WDFY4: variants seen among roughly 807,000 people sequenced by gnomAD.
The protein encoded by WDFY4 is WD repeat- and FYVE domain-containing protein 4.
In WDFY4, 169 loss-of-function variants were observed where a neutral mutation model predicts 351.9. That is an observed-to-expected ratio of 0.48 (90% CI 0.42 to 0.55). The LOEUF is 0.55. Among genes scored for constraint, WDFY4 ranks in the 20% least tolerant of loss-of-function variants. The probability of loss-of-function intolerance (pLI) is 0.00; values close to 1 mark genes in which losing one functional copy is unlikely to be tolerated. For synonymous variants in WDFY4, 1,622 were observed against 1,574.6 expected (o/e 1.03, Z -0.71); for missense variants, 3,803 against 3,935.6 (o/e 0.97, Z 0.90).
At chr10:48,888,894 G>A (rs2070576669) in intron 43 of WDFY4, among the ~76,000 whole-genome samples, 1 of 152,124 alleles carries the variant, frequency 6.6e-6, no homozygotes, top group African/African-American at 2.4e-5. Context: ...TTCTCTCTTA[G>A]CATGTATCAC....
chr10:48,944,655 G>A (rs944383820), intron 49 of WDFY4, among the ~76,000 whole-genome samples: 9 of 152,170 alleles, frequency 5.9e-5, no homozygotes, highest in African/African-American at 1.4e-4. Context: ...GCAGCAAAAC[G>A]TTTCTCACTA....
chr10:48,812,787 G>A (rs923792293), intron 30 of WDFY4, among the ~76,000 whole-genome samples: 2 of 152,148 alleles, frequency 1.3e-5, no homozygotes, highest in Non-Finnish European at 2.9e-5. Flanking sequence ...CTGGCTGCCT[G>A]ATGTATCTTT....
In WDFY4 at chr10:48,779,707, G is replaced by T. The variant is rs576344982; in HGVS notation, c.3398-234G>T. Among the ~76,000 whole-genome samples the T allele has an allele frequency of 5.3e-5, 8 of 152,328 alleles. No individual in the cohort carries two copies. The South Asian group carries it at 1.7e-3, about 32-fold the overall frequency. Reference sequence around the variant, plus strand: ...CATGTATGAGCGCCTACCTCACAGGGCTGTGAACATGACATGAGTTGATAT... The same window carrying T: ...CATGTATGAGCGCCTACCTCACAGGTCTGTGAACATGACATGAGTTGATAT... On this transcript the variant is annotated intron_variant, in intron 18 of 61. Transcript: ENST00000325239.
chr10:48,795,990 G>C (rs968414321), intron 23 of WDFY4, among the ~76,000 whole-genome samples: 2 of 152,072 alleles, frequency 1.3e-5, no homozygotes, highest in African/African-American at 4.8e-5. Context: ...GGATGGTTAC[G>C]CATGTAAAGG....
chr10:48,961,082 C>T (rs1841839752), intron 53 of WDFY4, among the ~76,000 whole-genome samples: 1 of 152,188 alleles, frequency 6.6e-6, no homozygotes, highest in South Asian at 2.1e-4. Flanking sequence ...ATGTAAATTA[C>T]ACCTAAAAAG....
chr10:48,960,895 A>T (rs1841828097), intron 53 of WDFY4, among the ~76,000 whole-genome samples: 1 of 152,220 alleles, frequency 6.6e-6, no homozygotes, highest in African/African-American at 2.4e-5. Flanking sequence ...TAGGGACAGA[A>T]AACAAATTAG....
rs373835302 is a variant in WDFY4, at chr10:48,822,381, C to T, written c.5826C>T (p.Asp1942=). 3.0e-4 allele frequency: 467 copies of T among 1,541,620 alleles called. 1 individual carries two copies. The highest frequency in any genetic ancestry group is 1.4e-3 in the Middle Eastern group (8 of 5,878). Residue 1942 remains aspartate, a splice_region_variant and synonymous_variant, in exon 35 of 62, where the codon GAC becomes GAT. Transcript: ENST00000325239. The part of the protein sequence containing the change: ...TSGGDAAMFR[D]GKEPQPSAEA... ...TCCACCTGTCCCCTCACTCCACAGA[C>T]GGCAAAGAGCCTCAGCCAAGTGCAG...
At chr10:48,804,397 G>A (rs1348969446) in intron 25 of WDFY4, among the ~76,000 whole-genome samples, 1 of 152,120 alleles carries the variant, frequency 6.6e-6, no homozygotes, top group East Asian at 1.9e-4. Flanking sequence ...GTTGTTCAGT[G>A]CTGTCAGAGG....
intron 12 of WDFY4, among the ~76,000 whole-genome samples, chr10:48,747,962 G>A (rs148107229): frequency 4.6e-4 from 70 of 152,260 alleles, no homozygotes; most frequent in African/African-American, 1.6e-3. Flanking sequence ...GCCTCCATGG[G>A]GTCTTAGCTG....
chr10:48,892,665 A>G (rs1345365443), intron 44 of WDFY4, among the ~76,000 whole-genome samples: 1 of 152,242 alleles, frequency 6.6e-6, no homozygotes, highest in Non-Finnish European at 1.5e-5. Flanking sequence ...ATACATAAAT[A>G]AACTTGTTAA....
At position 48,867,429 on chromosome 10, in the gene WDFY4, C is replaced by T. The variant is rs79647043; in HGVS notation, c.6741+87C>T. ...AATAATTGGAAGGGCCTTTGGTTTA[C>T]GTTCTGGATTGCTCACCAGGCTTGC... On this transcript the variant is annotated intron_variant, in intron 40 of 61. Transcript: ENST00000325239. The T allele has an allele frequency of 1.8e-3, 1,483 of 828,352 alleles. 9 individuals are homozygous for T. The highest frequency in any genetic ancestry group is 0.017 in the African/African-American group (953 of 55,268). 51.3% of individuals were successfully genotyped at this position (828,352 alleles called of 1,614,324 possible). A position where few individuals can be genotyped will look rare whatever the true frequency, so the allele number is the denominator to read the frequency against.
chr10:48,782,522 G>A (rs2066261890), intron 19 of WDFY4, among the ~76,000 whole-genome samples: 2 of 152,214 alleles, frequency 1.3e-5, no homozygotes, highest in Non-Finnish European at 2.9e-5. Flanking sequence ...TCAACAGGGA[G>A]GTCAGGAGTG....
In WDFY4 at chr10:48,775,815, A is replaced by G; in HGVS notation, c.2863+9A>G. ...CAACCCTGGGTGCTCAGGTGAGGAC[A>G]GTGGCAAGAACGGGGCAGGTTAATG... On this transcript the variant is annotated intron_variant, in intron 15 of 61. Transcript: ENST00000325239. 1.3e-6 allele frequency: 2 copies of G among 1,549,584 alleles called. No individual in the cohort carries two copies. Among genetic ancestry groups the G allele is most frequent in the Non-Finnish European group, 1.7e-6 (2 of 1,145,078 alleles).
At chr10:48,818,790 A>AACTT (rs2067709014) in intron 32 of WDFY4, among the ~76,000 whole-genome samples, 1 of 152,280 alleles carries the variant, frequency 6.6e-6, no homozygotes, top group African/African-American at 2.4e-5. Context: ...CATATCAAGT[A>AACTT]ACTTACTAAA....
chr10:48,755,111 G>A (rs1018321298), intron 12 of WDFY4, among the ~76,000 whole-genome samples: 6 of 152,012 alleles, frequency 3.9e-5, no homozygotes, highest in South Asian at 2.1e-4. Context: ...CCCTATCCTC[G>A]CAACCGTGGA....
At chr10:48,832,511 A>C in intron 38 of WDFY4, 62 bp from the exon 39 acceptor site, 1 of 1,450,366 alleles carries the variant, frequency 6.9e-7, no homozygotes. Context: ...AAGCCAAGCT[A>C]GCTATAAAAA....
Position 48,930,966 on chromosome 10 carries a change from C to T in WDFY4, c.7587-10840C>T, listed in dbSNP as rs1189645129. On this transcript the variant is annotated intron_variant, in intron 47 of 61. Transcript: ENST00000325239. The stretch of plus-strand genomic sequence containing the variant: ...TCAGCAACACTGCTCTCTGAAGGGA[C>T]GGTACTGGACTCTTTTTACTTTCCT... Among the ~76,000 whole-genome samples the T allele has an allele frequency of 5.9e-5, 9 of 152,154 alleles. No homozygotes were observed. In the South Asian group the frequency reaches 6.2e-4, roughly 11 times the overall value.
rs986757462 is a variant in WDFY4, at chr10:48,873,580, G to A, written c.6831G>A (p.Gly2277=). ...LFGELGLWSQ[G]EETKPCSPWE... is the part of the protein sequence containing the mutation. ...GGGAGCTGGGCTTGTGGAGCCAGGG[G>A]GAAGAAACCAAGCCCTGTTCCCCAT... Residue 2277 remains glycine, a synonymous_variant, in exon 41 of 62, where the codon GGG becomes GGA. Coordinates refer to ENST00000325239, the MANE Select transcript of WDFY4 (RefSeq NM_001394531.1). The A allele has an allele frequency of 1.9e-6, 3 of 1,551,638 alleles. No individual in the cohort carries two copies. The highest frequency in any genetic ancestry group is 2.7e-5 in the African/African-American group (2 of 73,058).
intron 40 of WDFY4, among the ~76,000 whole-genome samples, chr10:48,869,384 C>T (rs1391519720): frequency 2.0e-5 from 3 of 152,200 alleles, no homozygotes; most frequent in Non-Finnish European, 2.9e-5. Context: ...CTTTTCTAAC[C>T]AGGCACTTTA....
Sources: allele counts gnomAD v4.1 joint callset (sites outside exome capture counted in the v4.1 genomes callset), GRCh38; gene constraint gnomAD v4.1.1; transcripts MANE v1.5; gene names NCBI Gene and HGNC (gene_info 2026-07-23, HGNC 2026-07-21).